The following STAG1 variants were observed in gnomAD, a reference collection of about 807,000 sequenced individuals.
The protein encoded by STAG1 is cohesin subunit SA-1.
A neutral mutation model predicts 170.9 loss-of-function variants in STAG1; 26 were observed. The observed-to-expected ratio is 0.15, with a 90% confidence interval of 0.11 to 0.21. The LOEUF is 0.21. STAG1 is among the 10% of genes least tolerant of loss of function. The pLI is 1.00. For missense variants in STAG1, 964 were observed against 1,509.5 expected (o/e 0.64, Z 5.99); for synonymous variants, 514 against 497.7 (o/e 1.03, Z -0.44).
At chr3:136,677,606 G>C (rs1049590315) in intron 1 of STAG1, among the ~76,000 whole-genome samples, 1 of 152,058 alleles carries the variant, frequency 6.6e-6, no homozygotes, top group Non-Finnish European at 1.5e-5. Flanking sequence ...AACATGAATG[G>C]AATTAGTGCC....
At chr3:136,346,462 A>G (rs1333650631) in intron 29 of STAG1, among the ~76,000 whole-genome samples, 1 of 152,214 alleles carries the variant, frequency 6.6e-6, no homozygotes, top group Non-Finnish European at 1.5e-5. Flanking sequence ...GTCATTTTGT[A>G]AATCTCAAAT....
At chr3:136,598,422 C>CT (rs1164174284) in intron 4 of STAG1, among the ~76,000 whole-genome samples, 2,352 of 145,906 alleles carry the variant, frequency 0.016, 50 homozygotes, top group African/African-American at 0.053. Flanking sequence ...TTAATACAAC[C>CT]TTTTTTTTTT....
intron 1 of STAG1, among the ~76,000 whole-genome samples, chr3:136,682,280 C>T (rs1042597996): frequency 4.0e-5 from 6 of 151,690 alleles, no homozygotes; most frequent in Non-Finnish European, 5.9e-5. Context: ...CAAAAATTAG[C>T]CAGGCGTGGT....
At position 136,422,756 on chromosome 3, in the gene STAG1, T is replaced by G. The variant is rs1444075543; in HGVS notation, c.1833+12A>C. 1 of 1,575,854 alleles carries G rather than the reference T, an allele frequency of 6.3e-7. No homozygotes were observed. Among genetic ancestry groups the G allele is most frequent in the Admixed American group, 1.9e-5 (1 of 53,066 alleles). On this transcript the variant is annotated intron_variant, in intron 18 of 33. Coordinates refer to ENST00000383202, the MANE Select transcript of STAG1 (RefSeq NM_005862.3). ...CTATAACAGCTGAATTTCAATTTCA[T>G]AATATCATTACCTTTTCCATTCTAC... is the stretch of plus-strand genomic sequence containing the variant.
Position 136,472,505 on chromosome 3 carries a change from AGTT to A in STAG1, c.1126-16_1126-14del, listed in dbSNP as rs1473599211. The A allele has an allele frequency of 1.9e-6, 3 of 1,608,414 alleles. No homozygotes were observed. The highest frequency in any genetic ancestry group is 4.5e-5 in the East Asian group (2 of 44,708). On this transcript the variant is annotated splice_polypyrimidine_tract_variant and intron_variant, in intron 11 of 33. Transcript: ENST00000383202. The stretch of plus-strand genomic sequence containing the variant: ...ATACAATGCGATCCTGAGAAAAAAA[AGTT>A]GTAAAACAAACCAACTATGAACAGA...
chr3:136,653,979 G>T (rs1053663299), intron 1 of STAG1, among the ~76,000 whole-genome samples: 5 of 151,996 alleles, frequency 3.3e-5, no homozygotes, highest in African/African-American at 9.7e-5. Flanking sequence ...CAACATAAGG[G>T]AATTTTCTCA....
chr3:136,466,508 A>C (rs1217968476), intron 12 of STAG1, among the ~76,000 whole-genome samples: 1 of 152,260 alleles, frequency 6.6e-6, no homozygotes, highest in Non-Finnish European at 1.5e-5. Context: ...CTACGTAAAA[A>C]GACCAAATCT....
rs186597732 is a variant in STAG1, at chr3:136,547,519, C to T, written c.395-5324G>A. Among the ~76,000 whole-genome samples the T allele has an allele frequency of 2.0e-3, 311 of 152,260 alleles. 2 individuals carry two copies. The highest frequency in any genetic ancestry group is 7.2e-3 in the African/African-American group (298 of 41,540). ...GCTTCCCCCTCCCCCTGGCAATCACCCTTCTGCTCTCTCCTTCCATGAGTT... is the reference window on the plus strand; with the variant it reads ...GCTTCCCCCTCCCCCTGGCAATCACTCTTCTGCTCTCTCCTTCCATGAGTT... On this transcript the variant is annotated intron_variant, in intron 5 of 33. Transcript: ENST00000383202.
chr3:136,635,333 A>T (rs527273021), intron 1 of STAG1, among the ~76,000 whole-genome samples: 72 of 152,304 alleles, frequency 4.7e-4, no homozygotes, highest in African/African-American at 1.6e-3. Context: ...ATCAATTAAT[A>T]TAATACATCA....
chr3:136,692,292 T>A (rs1344098673), intron 1 of STAG1, among the ~76,000 whole-genome samples: 3 of 110,552 alleles, frequency 2.7e-5, no homozygotes, highest in African/African-American at 1.1e-4. Flanking sequence ...CCAGCCTGGG[T>A]GACTAAGCAA....
At chr3:136,721,240 G>A (rs1436253345) in intron 1 of STAG1, among the ~76,000 whole-genome samples, 2 of 152,064 alleles carry the variant, frequency 1.3e-5, no homozygotes, top group African/African-American at 2.4e-5. Flanking sequence ...AAAGAGAAAC[G>A]CTCAGAATTT....
chr3:136,692,342 C>T (rs1942755402), intron 1 of STAG1, among the ~76,000 whole-genome samples: 1 of 105,172 alleles, frequency 9.5e-6, no homozygotes, highest in African/African-American at 4.5e-5. Flanking sequence ...AAAAAAAAGT[C>T]AATTGCAGTG....
At chr3:136,651,942 G>A (rs1305747627) in intron 1 of STAG1, among the ~76,000 whole-genome samples, 1 of 152,188 alleles carries the variant, frequency 6.6e-6, no homozygotes, top group African/African-American at 2.4e-5. Flanking sequence ...GGTAACACCT[G>A]AAGTCAGGTG....
chr3:136,459,986 CA>C (rs2089229329), intron 13 of STAG1, among the ~76,000 whole-genome samples: 1 of 151,808 alleles, frequency 6.6e-6, no homozygotes, highest in East Asian at 1.9e-4. Context: ...ACAACAACAT[CA>C]AAAAACAAAC....
chr3:136,706,312 T>C (rs1055771040), intron 1 of STAG1, among the ~76,000 whole-genome samples: 3 of 152,170 alleles, frequency 2.0e-5, no homozygotes, highest in African/African-American at 4.8e-5. Flanking sequence ...TAGTCGCACA[T>C]GACACAATCC....
At chr3:136,371,935 A>C (rs1937361736) in intron 23 of STAG1, among the ~76,000 whole-genome samples, 1 of 152,164 alleles carries the variant, frequency 6.6e-6, no homozygotes, top group South Asian at 2.1e-4. Context: ...CAATCTATAA[A>C]TTACCCTGGG....
At chr3:136,457,958 C>A (rs1251922530) in intron 13 of STAG1, among the ~76,000 whole-genome samples, 2 of 151,752 alleles carry the variant, frequency 1.3e-5, no homozygotes, top group African/African-American at 4.8e-5. Context: ...AACAAACAAA[C>A]AAAAAAACCC....
chr3:136,644,670 C>T (rs1414448112), intron 1 of STAG1, among the ~76,000 whole-genome samples: 2 of 152,062 alleles, frequency 1.3e-5, no homozygotes, highest in East Asian at 3.9e-4. Context: ...TTTCTTACAT[C>T]TCAATTCCTA....
intron 7 of STAG1, among the ~76,000 whole-genome samples, chr3:136,507,073 T>C (rs1933806097): frequency 6.6e-6 from 1 of 152,230 alleles, no homozygotes; most frequent in Non-Finnish European, 1.5e-5. Flanking sequence ...GAAGTACTAT[T>C]ATTAGTTCCT....
Sources: gnomAD v4.1 joint callset for allele counts (sites outside exome capture counted in the v4.1 genomes callset) on GRCh38, gnomAD v4.1.1 for gene constraint, MANE v1.5 for transcripts, NCBI Gene and HGNC (gene_info 2026-07-23, HGNC 2026-07-21) for gene names.